FAM83G: variants seen among roughly 807,000 people sequenced by gnomAD.
FAM83G encodes scaffolding CK1 anchoring protein G, also known as protein FAM83G.
Under a neutral mutation model 61.5 loss-of-function variants are expected in FAM83G, and 38 were observed. That is an observed-to-expected ratio of 0.62 (90% CI 0.48 to 0.81). The LOEUF (loss-of-function observed/expected upper bound fraction) is 0.81. FAM83G is among the 30% of genes least tolerant of loss of function. The pLI, the probability that FAM83G is intolerant of heterozygous loss-of-function variation, is 0.00. For synonymous variants in FAM83G, 470 were observed against 476.1 expected (o/e 0.99, Z 0.17); for missense variants, 989 against 1,133.6 (o/e 0.87, Z 1.83).
intron 5 of FAM83G, among the ~76,000 whole-genome samples, chr17:18,972,769 G>A (rs556773226): frequency 1.3e-5 from 2 of 152,156 alleles, no homozygotes; most frequent in African/African-American, 4.8e-5. Flanking sequence ...GGCTGAGGCA[G>A]GAGAATGGCG....
intron 3 of FAM83G, among the ~76,000 whole-genome samples, chr17:18,987,908 C>T (rs539718958): frequency 7.9e-5 from 12 of 152,306 alleles, no homozygotes; most frequent in African/African-American, 2.6e-4. Flanking sequence ...GCAGTGAGCA[C>T]ACTATCACCA....
At chr17:18,977,100 C>T (rs2042999953) in intron 5 of FAM83G, 12 of 1,472,544 alleles carry the variant, frequency 8.1e-6, no homozygotes, top group South Asian at 3.8e-5. Context: ...TGAACTGTTC[C>T]CCAACCTGGG....
rs1046433443 is a variant in FAM83G, at chr17:18,979,588, A to G, written c.776T>C (p.Met259Thr). The change falls in exon 4 of 6, where the codon ATG becomes ACG. Residue 259 changes from methionine to threonine, a missense_variant. This residue lies in a region of FAM83G where 371 missense variants were observed against 404.5 expected (regional missense o/e 0.92). Coordinates refer to ENST00000388995, the MANE Select transcript of FAM83G (RefSeq NM_001039999.3). ...CACAGCCCGGTCTCCATCCACAAACATGAACTTCTGGGCCAGGGCACCCTT... is the reference window on the plus strand; with the variant it reads ...CACAGCCCGGTCTCCATCCACAAACGTGAACTTCTGGGCCAGGGCACCCTT... ...KFKGALAQKF[M>T]FVDGDRAVCG... 1 of 1,613,298 alleles carries G rather than the reference A, an allele frequency of 6.2e-7. No homozygotes were observed. The highest frequency in any genetic ancestry group is 1.3e-5 in the African/African-American group (1 of 74,908).
rs1356789380 is a variant in FAM83G, at chr17:18,969,013, G to A, written c.*2346C>T. 3.2e-5 allele frequency: 51 copies of A among 1,581,404 alleles called. No individual in the cohort carries two copies. The highest frequency in any genetic ancestry group is 4.4e-5 in the Non-Finnish European group (51 of 1,163,760). ...CCAGGGAGTGGCTTGCTGGAGCCCT[G>A]GGAATAACAGTCCCACACAAGGCTC... On this transcript the variant is annotated 3_prime_UTR_variant, in exon 6 of 6. Coordinates refer to ENST00000388995, the MANE Select transcript of FAM83G (RefSeq NM_001039999.3).
Position 19,000,687 on chromosome 17 carries a change from G to A in FAM83G, c.522+2833C>T, listed in dbSNP as rs956412978. On this transcript the variant is annotated intron_variant, in intron 2 of 5. Coordinates refer to ENST00000388995, the MANE Select transcript of FAM83G (RefSeq NM_001039999.3). The surrounding 1 kb of genome is among the most constrained non-coding windows in gnomAD (Gnocchi z 5.2). ...CCCCGGTGGGAAGGGGCCAGTGTGCGGCAAGGCGGCCCAGGCAGAGGGATC... is the reference window on the plus strand; with the variant it reads ...CCCCGGTGGGAAGGGGCCAGTGTGCAGCAAGGCGGCCCAGGCAGAGGGATC... Among the ~76,000 whole-genome samples, 3 of 152,188 alleles carry A rather than the reference G, an allele frequency of 2.0e-5. No homozygotes were observed. The highest frequency in any genetic ancestry group is 2.9e-5 in the Non-Finnish European group (2 of 68,014).
intron 3 of FAM83G, among the ~76,000 whole-genome samples, chr17:18,985,316 C>T (rs1242268110): frequency 2.6e-5 from 4 of 152,220 alleles, no homozygotes; most frequent in Non-Finnish European, 1.5e-5. Context: ...GATTCAGTGA[C>T]TCTGCCCAAG....
Position 19,004,229 on chromosome 17 carries a change from C to A in FAM83G, c.-128-60G>T. The stretch of plus-strand genomic sequence containing the variant: ...GGAGGGCGGGCCGCGCGGGGAGGGG[C>A]GGCGGGGGCGGGGCCGGGAACTCAG... On this transcript the variant is annotated intron_variant, in intron 1 of 5. Coordinates refer to ENST00000388995, the MANE Select transcript of FAM83G (RefSeq NM_001039999.3). The surrounding 1 kb of genome is among the most constrained non-coding windows in gnomAD (Gnocchi z 5.4). 1 of 143,270 alleles carries A rather than the reference C, an allele frequency of 7.0e-6. No individual in the cohort carries two copies. The highest frequency in any genetic ancestry group is 1.4e-5 in the Non-Finnish European group (1 of 71,672). 8.9% of individuals were successfully genotyped at this position (143,270 alleles called of 1,614,324 possible).
At position 18,978,157 on chromosome 17, in the gene FAM83G, G is replaced by T; in HGVS notation, c.1509C>A (p.Pro503=). The change falls in exon 5 of 6, where the codon CCC becomes CCA. Residue 503 remains proline (P), a synonymous_variant. Transcript: ENST00000388995. ...LPQGDPEPLP[P]VPKPRTVPVA... is the part of the protein sequence containing the mutation. ...CAGGGACTGTCCGGGGCTTGGGCAC[G>T]GGGGGCAATGGCTCAGGGTCCCCCT... 2.6e-6 allele frequency: 4 copies of T among 1,530,242 alleles called. No homozygotes were observed. The highest frequency in any genetic ancestry group is 3.5e-6 in the Non-Finnish European group (4 of 1,142,236). 94.8% of individuals were successfully genotyped at this position (1,530,242 alleles called of 1,614,324 possible). A position where few individuals can be genotyped will look rare whatever the true frequency, so the allele number is the denominator to read the frequency against.
At chr17:18,977,437 C>A in intron 5 of FAM83G, 147 bp downstream of exon 5, 1 of 812,008 alleles carries the variant, frequency 1.2e-6, no homozygotes, top group Non-Finnish European at 1.9e-6. Context: ...CCCACCCCTG[C>A]CTGTTCATCA....
chr17:18,999,314 C>T lies in FAM83G; in HGVS notation c.522+4206G>A, dbSNP rs553692138. 2.0e-5 allele frequency among the ~76,000 whole-genome samples: 3 copies of T among 152,220 alleles called. No individual in the cohort carries two copies. The South Asian group carries it at 6.2e-4, about 32-fold the overall frequency. On this transcript the variant is annotated intron_variant, in intron 2 of 5. Coordinates refer to ENST00000388995, the MANE Select transcript of FAM83G (RefSeq NM_001039999.3). ...AAAAAAAAGAAAATGCTTTTACTGT[C>T]CTGAGTCAACAGGATCCAGCAGTGA...
intron 2 of FAM83G, among the ~76,000 whole-genome samples, chr17:18,992,967 T>C (rs2043466524): frequency 6.6e-6 from 1 of 152,186 alleles, no homozygotes; most frequent in Non-Finnish European, 1.5e-5. Context: ...TTTCCTAGCC[T>C]TCCTGTGACC....
At position 19,003,613 on chromosome 17, in the gene FAM83G, G is replaced by T; in HGVS notation, c.429C>A (p.Gly143=). The T allele has an allele frequency of 4.3e-6, 7 of 1,611,776 alleles. No homozygotes were observed. Among genetic ancestry groups the T allele is most frequent in the Non-Finnish European group, 5.9e-6 (7 of 1,179,212 alleles). The change falls in exon 2 of 6, where the codon GGC becomes GGA. Residue 143 remains glycine, a synonymous_variant. Coordinates refer to ENST00000388995, the MANE Select transcript of FAM83G (RefSeq NM_001039999.3). This position sits in a 1 kb window ranked among gnomAD's most constrained non-coding sequence, Gnocchi z 4.5. ...GCATGTAGACGCTAGCCCGGGTCAC[G>T]CCGCGGTAGGCGATGGTGTCGGGCC... is the stretch of plus-strand genomic sequence containing the variant. The part of the protein sequence containing the change: ...LGWPDTIAYR[G]VTRASVYMQP...
In FAM83G at chr17:18,971,652, C is replaced by A. The variant is rs138715863; in HGVS notation, c.2179G>T (p.Val727Phe). The change falls in exon 6 of 6, where the codon GTC becomes TTC. Residue 727 changes from valine to phenylalanine, a missense_variant. Around this residue, in one of 3 missense-constraint regions of FAM83G, gnomAD observed 574 missense variants for 645.1 expected, o/e 0.89. Transcript: ENST00000388995. This position sits in a 1 kb window ranked among gnomAD's most constrained non-coding sequence, Gnocchi z 5.5. ...PPRYRSAADS[V>F]QSSTRNAGPA... Reference sequence around the variant, plus strand: ...CCAGCGTTTCTGGTAGAGCTCTGGACGCTGTCAGCAGCAGAGCGGTACCTA... The same window carrying A: ...CCAGCGTTTCTGGTAGAGCTCTGGAAGCTGTCAGCAGCAGAGCGGTACCTA... 25 of 1,613,362 alleles carry A rather than the reference C, an allele frequency of 1.5e-5. No individual in the cohort carries two copies. In the East Asian group the frequency reaches 5.1e-4, roughly 33 times the overall value.
chr17:18,975,372 T>C (rs1382507996), intron 5 of FAM83G, among the ~76,000 whole-genome samples: 1 of 152,180 alleles, frequency 6.6e-6, no homozygotes, highest in South Asian at 2.1e-4. Flanking sequence ...TCCGTTAAAC[T>C]AGCAAGCTTG....
At chr17:18,990,262 T>C (rs2043380999) in intron 2 of FAM83G, among the ~76,000 whole-genome samples, 1 of 152,078 alleles carries the variant, frequency 6.6e-6, no homozygotes, top group Non-Finnish European at 1.5e-5. Context: ...CGGGGGTAGA[T>C]GATAGGGCAG....
At chr17:18,981,900 G>T (rs1355094667) in intron 3 of FAM83G, among the ~76,000 whole-genome samples, 2 of 152,212 alleles carry the variant, frequency 1.3e-5, no homozygotes, top group East Asian at 3.8e-4. Context: ...GTCGGACAAA[G>T]ATCCTGGAGG....
chr17:18,987,173 A>G (rs1186983003), intron 3 of FAM83G, among the ~76,000 whole-genome samples: 1 of 152,204 alleles, frequency 6.6e-6, no homozygotes, highest in Non-Finnish European at 1.5e-5. Context: ...TAGGACCACA[A>G]GCCTGAAACC....
intron 2 of FAM83G, among the ~76,000 whole-genome samples, chr17:18,992,985 C>T (rs1460782897): frequency 6.6e-6 from 1 of 152,212 alleles, no homozygotes; most frequent in Non-Finnish European, 1.5e-5. Context: ...ACCACAGAAC[C>T]ACTCTTGAAG....
intron 2 of FAM83G, among the ~76,000 whole-genome samples, chr17:18,998,790 C>T (rs139340878): frequency 2.8e-3 from 419 of 152,346 alleles, no homozygotes; most frequent in African/African-American, 9.2e-3. Context: ...GCCAGCTGTG[C>T]GCCCCACAAG....
Sources: gnomAD v4.1 joint callset for allele counts (sites outside exome capture counted in the v4.1 genomes callset) on GRCh38, gnomAD v4.1.1 for gene constraint, gnomAD v4.1.1 regional missense constraint, Gnocchi (gnomAD v3.1) non-coding constraint, MANE v1.5 for transcripts, NCBI Gene and HGNC (gene_info 2026-07-23, HGNC 2026-07-21) for gene names.